The following CNTRL variants were observed in gnomAD, a reference collection of about 807,000 sequenced individuals.
CNTRL encodes the protein 110 kDa centrosomal protein.
A neutral mutation model predicts 303.7 loss-of-function variants in CNTRL; 233 were observed. The observed-to-expected ratio is 0.77, with a 90% CI of 0.69 to 0.86. The LOEUF (loss-of-function observed/expected upper bound fraction) is 0.86. Among genes scored for constraint, CNTRL ranks in the 40% least tolerant of loss-of-function variants. The probability of loss-of-function intolerance (pLI) is 0.00; values close to 1 mark genes in which losing one functional copy is unlikely to be tolerated. For missense variants in CNTRL, 2,524 were observed against 2,650.6 expected, an observed-to-expected ratio of 0.95 and a Z score of 1.05; for synonymous variants, 900 against 922.2, an observed-to-expected ratio of 0.98 and a Z score of 0.44.
Position 121,168,189 on chromosome 9 carries a change from A to G in CNTRL, c.5938A>G (p.Lys1980Glu), listed in dbSNP as rs773404192. 3 of 1,614,090 alleles carry G rather than the reference A, an allele frequency of 1.9e-6. No individual in the cohort carries two copies. Among genetic ancestry groups the G allele is most frequent in the Admixed American group, 1.7e-5 (1 of 60,000 alleles). Reference sequence around the variant, plus strand: ...GAAGGAGCAACAGCACCAGCTGGAAAAGGAATTAACAGACCAGAAAAGCAA... The same window carrying G: ...GAAGGAGCAACAGCACCAGCTGGAAGAGGAATTAACAGACCAGAAAAGCAA... ...TLKEQQHQLEKELTDQKSKLD... is the reference protein window; with the variant it reads ...TLKEQQHQLEEELTDQKSKLD... Residue 1980 changes from lysine to glutamate, a missense_variant, in exon 38 of 44, where the codon AAG (lysine) becomes GAG (glutamate). By Grantham distance (56) the Lys-to-Glu change is moderately conservative (BLOSUM62 1). Coordinates refer to ENST00000373855, the MANE Select transcript of CNTRL (RefSeq NM_007018.6).
At position 121,158,022 on chromosome 9, in the gene CNTRL, C is replaced by A. The variant is rs748239909; in HGVS notation, c.4677C>A (p.Arg1559=). 3 of 1,614,004 alleles carry A rather than the reference C, an allele frequency of 1.9e-6. No individual in the cohort carries two copies. The South Asian group carries it at 3.3e-5, about 18-fold the overall frequency. The part of the protein sequence containing the change: ...KLQKDIEMAE[R]NEDHHLQVLK... ...AGAAAGACATAGAGATGGCAGAACG[C>A]AATGAGGATCACCACCTGCAGGTCC... The change falls in exon 30 of 44, where the codon CGC becomes CGA. Residue 1559 remains arginine (R), a synonymous_variant. Transcript: ENST00000373855.
At position 121,090,393 on chromosome 9, in the gene CNTRL, C is replaced by G; in HGVS notation, c.336C>G (p.Gly112=). ...SLNLSLSKDG[G]KKFKYIENLE... ...ACCTTTCACTTTCTAAAGACGGTGGCAAGAAATTTAAGGTAGGTTACCAAC... is the reference window on the plus strand; with the variant it reads ...ACCTTTCACTTTCTAAAGACGGTGGGAAGAAATTTAAGGTAGGTTACCAAC... Residue 112 remains glycine, a synonymous_variant, in exon 4 of 44, where the codon GGC becomes GGG. Transcript: ENST00000373855. 6.2e-7 allele frequency: 1 copy of G among 1,609,850 alleles called. No individual in the cohort carries two copies. Among genetic ancestry groups the G allele is most frequent in the Non-Finnish European group, 8.5e-7 (1 of 1,178,462 alleles).
chr9:121,152,734 T>G, intron 26 of CNTRL, 41 bp downstream of exon 26: 1 of 1,415,702 alleles, frequency 7.1e-7, no homozygotes, highest in Non-Finnish European at 9.8e-7. Flanking sequence ...AATACGATAT[T>G]AGTTCATTAA....
rs904514964 is a variant in CNTRL at position 121,167,796 on chromosome 9, G to T, written c.5844+119G>T. The T allele has an allele frequency of 2.0e-5, 17 of 840,258 alleles. No homozygotes were observed. In the African/African-American group the frequency reaches 2.9e-4, roughly 14 times the overall value. 52.1% of individuals were successfully genotyped at this position (840,258 alleles called of 1,614,324 possible). ...CAATGGGACTATGTGTCCCTTAACT[G>T]CCCTGTGTAGCCATGGGTGGCATTT... On this transcript the variant is annotated intron_variant, in intron 37 of 43. Coordinates refer to ENST00000373855, the MANE Select transcript of CNTRL (RefSeq NM_007018.6).
At chr9:121,157,426 G>A (rs766467264) in intron 27 of CNTRL, 44 bp from the exon 28 acceptor site, 1 of 1,595,172 alleles carries the variant, frequency 6.3e-7, no homozygotes, top group South Asian at 1.1e-5. Flanking sequence ...AGCTGTGAGT[G>A]AGTATTGTAA....
At chr9:121,077,867 G>A (rs1050889642) in intron 1 of CNTRL, among the ~76,000 whole-genome samples, 1 of 152,012 alleles carries the variant, frequency 6.6e-6, no homozygotes, top group African/African-American at 2.4e-5. Context: ...GATCACTTGA[G>A]CCCAGGAAGG....
intron 25 of CNTRL, chr9:121,152,197 G>T: frequency 3.1e-6 from 1 of 323,282 alleles, no homozygotes; most frequent in Middle Eastern, 1.0e-3. Context: ...AGAGACTTCT[G>T]TCTATCTCTT....
chr9:121,086,325 T>G (rs143156886), intron 2 of CNTRL, among the ~76,000 whole-genome samples: 17 of 152,262 alleles, frequency 1.1e-4, no homozygotes, highest in Non-Finnish European at 1.8e-4. Context: ...AATTTCAAAC[T>G]GATTATGTGA....
chr9:121,146,977 A>G (rs1032116641), intron 23 of CNTRL, among the ~76,000 whole-genome samples: 1 of 152,164 alleles, frequency 6.6e-6, no homozygotes, highest in African/African-American at 2.4e-5. Context: ...GATGAAGCTG[A>G]AAAGTAGATT....
At chr9:121,174,956 C>A in intron 42 of CNTRL, 62 bp from the exon 43 acceptor site, 1 of 1,441,344 alleles carries the variant, frequency 6.9e-7, no homozygotes, top group South Asian at 1.2e-5. Context: ...TGTGAGGAAG[C>A]TGAGCGGCAG....
At chr9:121,104,971 A>C (rs2049393617) in intron 7 of CNTRL, among the ~76,000 whole-genome samples, 1 of 152,120 alleles carries the variant, frequency 6.6e-6, no homozygotes, top group Non-Finnish European at 1.5e-5. Context: ...CGGCCTCCCA[A>C]AGTGCTGGCA....
intron 23 of CNTRL, among the ~76,000 whole-genome samples, chr9:121,146,674 G>A (rs564745399): frequency 1.6e-4 from 25 of 152,328 alleles, no homozygotes; most frequent in Admixed American, 1.6e-3. Flanking sequence ...GAATGGTAAA[G>A]CCCCTGCTCT....
At position 121,138,553 on chromosome 9, in the gene CNTRL, A is replaced by G; in HGVS notation, c.2211A>G (p.Gln737=). Residue 737 remains glutamine (Q), a synonymous_variant, in exon 16 of 44, where the codon CAA becomes CAG. Coordinates refer to ENST00000373855, the MANE Select transcript of CNTRL (RefSeq NM_007018.6). ...GCTTCCTATGGTGACAGTTAGAACA[A>G]TCAGCCCTTCAAGCAGAACTTGAGA... ...EKVTRLTQLE[Q]SALQAELEKE... 2 of 1,613,854 alleles carry G rather than the reference A, an allele frequency of 1.2e-6. No homozygotes were observed. The highest frequency in any genetic ancestry group is 1.7e-6 in the Non-Finnish European group (2 of 1,179,794).
chr9:121,117,002 A>AC (rs2050007054), intron 11 of CNTRL, among the ~76,000 whole-genome samples: 1 of 152,230 alleles, frequency 6.6e-6, no homozygotes. Context: ...TAAATAATGT[A>AC]CTTAATTTTA....
intron 4 of CNTRL, among the ~76,000 whole-genome samples, chr9:121,091,047 A>G (rs1334854888): frequency 6.6e-6 from 1 of 152,206 alleles, no homozygotes; most frequent in Non-Finnish European, 1.5e-5. Flanking sequence ...TATCACGAGA[A>G]CAGTAGGGGA....
Position 121,090,359 on chromosome 9 carries a change from A to T in CNTRL, c.302A>T (p.Lys101Ile). ...AAACAGGATAATTTGGCTTTGATAA[A>T]ATCTCTGAACCTTTCACTTTCTAAA... is the stretch of plus-strand genomic sequence containing the variant. ...LTKQDNLALI[K>I]SLNLSLSKDG... is the part of the protein sequence containing the mutation. Residue 101 changes from lysine (K) to isoleucine (I), a missense_variant, in exon 4 of 44, where the codon AAA (lysine) becomes ATA (isoleucine). Coordinates refer to ENST00000373855, the MANE Select transcript of CNTRL (RefSeq NM_007018.6). The T allele has an allele frequency of 6.2e-7, 1 of 1,613,066 alleles. No homozygotes were observed. Among genetic ancestry groups the T allele is most frequent in the East Asian group, 2.2e-5 (1 of 44,732 alleles).
rs370184799 is a variant in CNTRL, at chr9:121,168,103, A to G, written c.5852A>G (p.Gln1951Arg). 6.2e-7 allele frequency: 1 copy of G among 1,610,976 alleles called. No individual in the cohort carries two copies. The highest frequency in any genetic ancestry group is 8.5e-7 in the Non-Finnish European group (1 of 1,179,112). Residue 1951 changes from glutamine (Q) to arginine (R), a missense_variant, in exon 38 of 44, where the codon CAG becomes CGG. Coordinates refer to ENST00000373855, the MANE Select transcript of CNTRL (RefSeq NM_007018.6). ...AGATTATTCTTTATTAAGATGTTTC[A>G]GAGACTCCAGAAAGAGAGAGAAAGT... Reference protein sequence around the residue: ...LKLVQQEMMFQRLQKERESEE... With the variant: ...LKLVQQEMMFRRLQKERESEE...
rs1187536044 is a variant in CNTRL at position 121,125,789 on chromosome 9, G to A, written c.1878G>A (p.Gly626=). Residue 626 remains glycine (G), a synonymous_variant, in exon 14 of 44, where the codon GGG becomes GGA. Coordinates refer to ENST00000373855, the MANE Select transcript of CNTRL (RefSeq NM_007018.6). ...GVISGLQEYL[G]TIKGQATQAQ... ...TCAGTGGGTTGCAAGAATACCTGGG[G>A]ACCATTAAAGGCCAGGCAACTCAGG... 1 of 1,614,058 alleles carries A rather than the reference G, an allele frequency of 6.2e-7. No homozygotes were observed. Among genetic ancestry groups the A allele is most frequent in the African/African-American group, 1.3e-5 (1 of 74,920 alleles).
chr9:121,136,027 C>A, intron 15 of CNTRL, 45 bp downstream of exon 15: 2 of 1,438,760 alleles, frequency 1.4e-6, no homozygotes, highest in Non-Finnish European at 9.5e-7. Flanking sequence ...GACCCTGTGC[C>A]TTAAGATATC....
Sources: allele counts gnomAD v4.1 joint callset (sites outside exome capture counted in the v4.1 genomes callset), GRCh38; gene constraint gnomAD v4.1.1; transcripts MANE v1.5; gene names NCBI Gene and HGNC (gene_info 2026-07-23, HGNC 2026-07-21).